Variants in MCF2 observed in about 807,000 individuals in gnomAD.
MCF2 encodes the protein proto-oncogene DBL.
In MCF2, 44 loss-of-function variants were observed where a neutral mutation model predicts 82.5. That is an observed-to-expected ratio of 0.53 (90% confidence interval 0.42 to 0.69). The LOEUF (loss-of-function observed/expected upper bound fraction) is 0.69. MCF2 is among the 30% of genes least tolerant of loss of function. The pLI, the probability that MCF2 is intolerant of heterozygous loss-of-function variation, is 0.00. For missense variants in MCF2, 623 were observed against 663.1 expected, an observed-to-expected ratio of 0.94 and a Z score of 0.66; for synonymous variants, 217 against 224.9, an observed-to-expected ratio of 0.96 and a Z score of 0.32.
At chrX:139,691,783 A>C in intron 1 of MCF2, 1 of 509,296 alleles carries the variant, frequency 2.0e-6, no homozygotes, top group East Asian at 3.8e-5. Context: ...TAGACTGGAA[A>C]ATAAAGTGCG....
chrX:139,614,953 G>A (rs1481191202), exon 10 of MCF2: 2 of 1,207,119 alleles, frequency 1.7e-6, no homozygotes, highest in Non-Finnish European at 2.2e-6. Context: ...AATTGGATTG[G>A]CCTCACATGC....
Position 139,596,878 on chromosome X carries a change from TTA to T in MCF2, c.2056-110_2056-109del, listed in dbSNP as rs200502511. On this transcript the variant is annotated intron_variant, in intron 18 of 24. Transcript: ENST00000370576. ...AGCTACTCAAACCCTGAAGAATAAT[TTA>T]TGTTTTTTTAAAAACTTAACTTTGT... 5.9e-5 allele frequency: 31 copies of T among 526,260 alleles called. No individual in the cohort carries two copies. In the East Asian group the frequency reaches 5.9e-4, roughly 10 times the overall value. 43.4% of individuals were successfully genotyped at this position (526,260 alleles called of 1,213,427 possible).
In MCF2 at chrX:139,625,128, C is replaced by T. The variant is rs778832748; in HGVS notation, c.687+1065G>A. ...AACTTGTCGACATGTCACTATGAGA[C>T]ACACCATGTCAGTGAGATTATAATC... On this transcript the variant is annotated intron_variant, in intron 6 of 24. Transcript: ENST00000370576. 1.1e-4 allele frequency among the ~76,000 whole-genome samples: 12 copies of T among 110,935 alleles called. No homozygotes were observed. In the South Asian group the frequency reaches 2.3e-3, roughly 21 times the overall value.
chrX:139,663,201 T>A (rs942275496), intron 1 of MCF2, among the ~76,000 whole-genome samples: 1 of 112,437 alleles, frequency 8.9e-6, no homozygotes, highest in Non-Finnish European at 1.9e-5. Context: ...GTATTTTTAA[T>A]TTTTTGAGAA....
At position 139,683,336 on chromosome X, in the gene MCF2, T is replaced by C. The variant is rs770444594; in HGVS notation, c.-45+24770A>G. On this transcript the variant is annotated intron_variant, in intron 1 of 27. Transcript: ENST00000414978. Reference sequence around the variant, plus strand: ...CCATTATAGTAAATAATTCCAAATATGTTAAATGTGAATGGTCCATAGTTT... The same window carrying C: ...CCATTATAGTAAATAATTCCAAATACGTTAAATGTGAATGGTCCATAGTTT... 4.4e-5 allele frequency among the ~76,000 whole-genome samples: 5 copies of C among 112,715 alleles called. No individual in the cohort carries two copies. In the South Asian group the frequency reaches 1.8e-3, roughly 41 times the overall value.
Position 139,602,591 on chromosome X carries a change from T to C in MCF2, c.1744-93A>G, listed in dbSNP as rs1046731667. The C allele has an allele frequency of 8.4e-6, 5 of 594,683 alleles. No homozygotes were observed. In the Admixed American group the frequency reaches 8.6e-5, roughly 10 times the overall value. 49.0% of individuals were successfully genotyped at this position (594,683 alleles called of 1,213,427 possible). A position where few individuals can be genotyped will look rare whatever the true frequency, so the allele number is the denominator to read the frequency against. ...TAAACAAGAGTGTAACCAAGCATCC[T>C]AGGAAATGTGGCCTAAAGGGCCTAC... On this transcript the variant is annotated intron_variant, in intron 15 of 24. Coordinates refer to ENST00000370576, the Ensembl canonical transcript of MCF2.
intron 9 of MCF2, 107 bp downstream of exon 12, chrX:139,616,175 T>C (rs1390869054): frequency 2.6e-6 from 1 of 387,463 alleles, no homozygotes; most frequent in Non-Finnish European, 4.2e-6. Context: ...ACAATGTAAG[T>C]GCAATTTGAC....
chrX:139,605,837 G>C, intron 12 of MCF2, 58 bp from the exon 17 acceptor site: 1 of 883,708 alleles, frequency 1.1e-6, no homozygotes, highest in Non-Finnish European at 1.6e-6. Flanking sequence ...ATATTGCAAT[G>C]TTTCAAGTAT....
intron 1 of MCF2, among the ~76,000 whole-genome samples, chrX:139,689,374 G>A (rs775368547): frequency 2.7e-5 from 3 of 111,815 alleles, no homozygotes; most frequent in Non-Finnish European, 3.8e-5. Context: ...CATTCCTGGT[G>A]TGGTCTGTGT....
rs766461312 is a variant in MCF2 at position 139,675,912 on chromosome X, T to C, written c.-44-24124A>G. Among the ~76,000 whole-genome samples, 373 of 112,992 alleles carry C rather than the reference T, an allele frequency of 3.3e-3. 1 individual carries two copies. The highest frequency in any genetic ancestry group is 0.011 in the African/African-American group (352 of 31,174). ...CAGTTTCTGCTGCCTTTTATTCAGC[T>C]ATGCCCTGCCCCCAGAGGTGGAGAC... is the stretch of plus-strand genomic sequence containing the variant. On this transcript the variant is annotated intron_variant, in intron 1 of 27. Transcript: ENST00000414978.
chrX:139,678,530 G>C (rs1487799522), intron 1 of MCF2, among the ~76,000 whole-genome samples: 1 of 112,104 alleles, frequency 8.9e-6, no homozygotes, highest in African/African-American at 3.2e-5. Flanking sequence ...AAAGTGATGA[G>C]ACAGTCCAAA....
In MCF2 at chrX:139,597,516, C is replaced by G. The variant is rs745942329; in HGVS notation, c.1999G>C (p.Asp667His). 6.7e-6 allele frequency: 8 copies of G among 1,196,318 alleles called. No individual in the cohort carries two copies. In the Admixed American group the frequency reaches 1.8e-4, roughly 26 times the overall value. Residue 667 changes from aspartate (D) to histidine (H), a missense_variant, in exon 18 of 25, where the codon GAT (aspartate) becomes CAT (histidine). Asp to His is a moderately conservative substitution (Grantham distance 81, BLOSUM62 -1). Coordinates refer to ENST00000370576, the Ensembl canonical transcript of MCF2. ...GAATCATTAACTGACTTCAGTAAATCCAGCATTGCATCGAGTGCCTTCTTC... is the reference window on the plus strand; with the variant it reads ...GAATCATTAACTGACTTCAGTAAATGCAGCATTGCATCGAGTGCCTTCTTC...
intron 1 of MCF2, among the ~76,000 whole-genome samples, chrX:139,658,663 ATG>A (rs1934263924): frequency 2.2e-5 from 2 of 91,811 alleles, no homozygotes; most frequent in African/African-American, 4.5e-5. Flanking sequence ...CTAAAAAAAG[ATG>A]TGTTTTTTTT....
chrX:139,590,834 C>T (rs1329657466), intron 19 of MCF2, among the ~76,000 whole-genome samples: 1 of 110,166 alleles, frequency 9.1e-6, no homozygotes, highest in Non-Finnish European at 1.9e-5. Context: ...CTAGGGAGAT[C>T]GCCATACCAA....
exon 1 of MCF2, chrX:139,642,471 A>C: frequency 8.3e-7 from 1 of 1,211,374 alleles, no homozygotes; most frequent in Non-Finnish European, 1.1e-6. Flanking sequence ...CCCTTACCGC[A>C]TTCCTTCTGA....
Position 139,697,779 on chromosome X carries a change from C to T in MCF2, c.-45+10327G>A, listed in dbSNP as rs1262443888. On this transcript the variant is annotated intron_variant, in intron 1 of 27. Transcript: ENST00000414978. Reference sequence around the variant, plus strand: ...ATTTTAAAGGCCAAAACTTTCCTTTCAGAAGAAAATATTGTTTCAGAGGTA... The same window carrying T: ...ATTTTAAAGGCCAAAACTTTCCTTTTAGAAGAAAATATTGTTTCAGAGGTA... 6.3e-5 allele frequency among the ~76,000 whole-genome samples: 7 copies of T among 111,830 alleles called. No homozygotes were observed. The South Asian group carries it at 1.1e-3, about 18-fold the overall frequency.
At chrX:139,700,018 C>G (rs1261410101) in intron 1 of MCF2, among the ~76,000 whole-genome samples, 2 of 111,182 alleles carry the variant, frequency 1.8e-5, no homozygotes, top group East Asian at 5.7e-4. Context: ...TTTCTGTTTC[C>G]TAGTCATTTA....
At chrX:139,605,419 T>A (rs778424628) in intron 13 of MCF2, among the ~76,000 whole-genome samples, 1 of 111,710 alleles carries the variant, frequency 9.0e-6, no homozygotes, top group East Asian at 2.8e-4. Flanking sequence ...GTTTTTTACA[T>A]CACGATCTCT....
At chrX:139,656,131 G>A (rs1934190732) in intron 1 of MCF2, among the ~76,000 whole-genome samples, 1 of 111,829 alleles carries the variant, frequency 8.9e-6, no homozygotes, top group African/African-American at 3.3e-5. Flanking sequence ...GCGCGATCTC[G>A]GCTCACTGCA....
Sources: allele counts gnomAD v4.1 joint callset (sites outside exome capture counted in the v4.1 genomes callset), GRCh38; gene constraint gnomAD v4.1.1; transcripts MANE v1.5; gene names NCBI Gene and HGNC (gene_info 2026-07-23, HGNC 2026-07-21).